The following PHKB variants were observed in gnomAD, a reference collection of about 807,000 sequenced individuals.
The protein encoded by PHKB is phosphorylase kinase regulatory subunit beta, also known as phosphorylase b kinase regulatory subunit beta.
PHKB carries 122 observed loss-of-function variants against 152.1 expected under a neutral mutation model. The observed-to-expected ratio is 0.80, with a 90% confidence interval of 0.69 to 0.93. The LOEUF is 0.93. PHKB is among the 40% of genes least tolerant of loss of function. PHKB has a pLI of 0.00. For missense variants in PHKB, 1,304 were observed against 1,328.4 expected, an observed-to-expected ratio of 0.98 and a Z score of 0.29; for synonymous variants, 436 against 464.9, an observed-to-expected ratio of 0.94 and a Z score of 0.80.
At chr16:47,692,530 C>T (rs1469111407) in intron 27 of PHKB, among the ~76,000 whole-genome samples, 1 of 151,832 alleles carries the variant, frequency 6.6e-6, no homozygotes, top group Non-Finnish European at 1.5e-5. Context: ...GTGGGAGGAT[C>T]GCTTGAGCCC....
intron 16 of PHKB, among the ~76,000 whole-genome samples, chr16:47,647,628 G>T (rs539651543): frequency 1.1e-4 from 17 of 151,642 alleles, no homozygotes; most frequent in African/African-American, 3.6e-4. Context: ...CTCCCTAGTA[G>T]CTGGGACTAC....
At chr16:47,617,599 G>A (rs1259819849) in intron 14 of PHKB, among the ~76,000 whole-genome samples, 1 of 152,100 alleles carries the variant, frequency 6.6e-6, no homozygotes, top group Non-Finnish European at 1.5e-5. Context: ...TAATGTTTGT[G>A]TGTTTCATTA....
chr16:47,619,058 A>AT (rs1456336810), intron 14 of PHKB: 1 of 152,218 alleles, frequency 6.6e-6, no homozygotes, highest in Non-Finnish European at 1.5e-5. Context: ...GGCACTGTAC[A>AT]TGCCACTTCT....
intron 1 of PHKB, among the ~76,000 whole-genome samples, chr16:47,486,097 G>A (rs543928899): frequency 1.1e-4 from 17 of 151,766 alleles, no homozygotes; most frequent in Non-Finnish European, 1.6e-4. Context: ...GTAATTGATC[G>A]TCTTCCAATG....
rs139519773 is a variant in PHKB, at chr16:47,587,742, A to T, written c.849A>T (p.Leu283Phe). Residue 283 changes from leucine to phenylalanine, a missense_variant, in exon 9 of 31, where the codon TTA becomes TTT. Transcript: ENST00000323584. ...NRNRQTLCSLLPRESRSHNTD... is the reference protein window; with the variant it reads ...NRNRQTLCSLFPRESRSHNTD... Reference sequence around the variant, plus strand: ...ACAGGCAAACTTTGTGCTCGCTGTTACCCAGAGAATCAAGATCACATGTGA... The same window carrying T: ...ACAGGCAAACTTTGTGCTCGCTGTTTCCCAGAGAATCAAGATCACATGTGA... 1.2e-6 allele frequency: 2 copies of T among 1,612,154 alleles called. No homozygotes were observed. The highest frequency in any genetic ancestry group is 1.3e-5 in the African/African-American group (1 of 74,882).
intron 7 of PHKB, among the ~76,000 whole-genome samples, chr16:47,554,132 C>A (rs1282064569): frequency 6.6e-6 from 1 of 152,152 alleles, no homozygotes; most frequent in East Asian, 1.9e-4. Context: ...ACAGCTGCCC[C>A]TTCCCTCTGT....
Position 47,566,642 on chromosome 16 carries a change from G to T in PHKB, c.711-13653G>T. On this transcript the variant is annotated intron_variant, in intron 7 of 30. Coordinates refer to ENST00000323584, the MANE Select transcript of PHKB (RefSeq NM_000293.3). ...ACAATTTGGGAAGATGGCTCCAGTCGATATTGGGTTCCCAAGCAGCCCCTG... is the reference window on the plus strand; with the variant it reads ...ACAATTTGGGAAGATGGCTCCAGTCTATATTGGGTTCCCAAGCAGCCCCTG... The T allele has an allele frequency of 5.6e-6, 6 of 1,062,374 alleles. No homozygotes were observed. In the South Asian group the frequency reaches 6.2e-5, roughly 11 times the overall value. 65.8% of individuals were successfully genotyped at this position (1,062,374 alleles called of 1,614,324 possible). A position where few individuals can be genotyped will look rare whatever the true frequency, so the allele number is the denominator to read the frequency against.
chr16:47,673,702 AC>A (rs1973676162), intron 26 of PHKB, among the ~76,000 whole-genome samples: 1 of 152,140 alleles, frequency 6.6e-6, no homozygotes, highest in African/African-American at 2.4e-5. Flanking sequence ...ACTCTAGTAA[AC>A]CATCCTTCTC....
intron 11 of PHKB, among the ~76,000 whole-genome samples, chr16:47,593,855 T>G (rs1277970501): frequency 1.3e-5 from 2 of 152,198 alleles, no homozygotes; most frequent in Admixed American, 6.5e-5. Context: ...TCATTAATAC[T>G]GTAATCCATG....
chr16:47,678,328 C>A (rs1246534805), intron 26 of PHKB, among the ~76,000 whole-genome samples: 2 of 152,260 alleles, frequency 1.3e-5, no homozygotes, highest in Admixed American at 1.3e-4. Context: ...AGTTCTAGAT[C>A]CCTGAGGAAT....
chr16:47,557,997 A>G (rs1273822139), intron 7 of PHKB, among the ~76,000 whole-genome samples: 5 of 151,812 alleles, frequency 3.3e-5, no homozygotes, highest in South Asian at 2.1e-4. Context: ...ATGTCCAACA[A>G]TGATAGACTG....
At chr16:47,536,981 C>T (rs1218349898) in intron 6 of PHKB, among the ~76,000 whole-genome samples, 2 of 152,154 alleles carry the variant, frequency 1.3e-5, no homozygotes, top group African/African-American at 2.4e-5. Flanking sequence ...CCATCCAGCC[C>T]AATTAGAACC....
intron 7 of PHKB, chr16:47,562,138 G>A (rs941669561): frequency 6.6e-6 from 1 of 152,294 alleles, no homozygotes; most frequent in Non-Finnish European, 1.5e-5. Context: ...CTGTCCCTGT[G>A]GCAGGAGCAT....
intron 7 of PHKB, among the ~76,000 whole-genome samples, chr16:47,572,340 C>T (rs1047993827): frequency 6.6e-6 from 1 of 152,226 alleles, no homozygotes; most frequent in Admixed American, 6.5e-5. Context: ...TTGTTACTTT[C>T]TCTTATGTGC....
chr16:47,551,663 T>A (rs1971272764), intron 7 of PHKB, among the ~76,000 whole-genome samples: 1 of 152,338 alleles, frequency 6.6e-6, no homozygotes, highest in African/African-American at 2.4e-5. Flanking sequence ...ATAAGTGCGA[T>A]GTGGTGCTGA....
intron 7 of PHKB, among the ~76,000 whole-genome samples, chr16:47,559,415 C>G (rs965287345): frequency 6.6e-6 from 1 of 152,254 alleles, no homozygotes; most frequent in African/African-American, 2.4e-5. Flanking sequence ...ATAAAAACAA[C>G]AACAATCTTT....
chr16:47,537,902 C>CTCTT (rs71380327), intron 6 of PHKB, among the ~76,000 whole-genome samples: 12,645 of 148,772 alleles, frequency 0.085, 1,053 homozygotes, highest in African/African-American at 0.22. Flanking sequence ...CTCTCTCTCT[C>CTCTT]TTTTTAAGTT....
chr16:47,566,894 G>A lies in PHKB; in HGVS notation c.711-13401G>A, dbSNP rs201809302. 46 of 666,248 alleles carry A rather than the reference G, an allele frequency of 6.9e-5. No individual in the cohort carries two copies. The East Asian group carries it at 1.1e-3, about 17-fold the overall frequency. The allele number at this position is 666,248 out of a possible 1,614,324, so 41.3% of individuals were successfully genotyped here. A position where few individuals can be genotyped will look rare whatever the true frequency, so the allele number is the denominator to read the frequency against. On this transcript the variant is annotated intron_variant, in intron 7 of 30. Transcript: ENST00000323584. Reference sequence around the variant, plus strand: ...TATTCTTCTTTTTTGCTTAGTTCTTGAAGGTCAATAATGGGTCACACTGGA... The same window carrying A: ...TATTCTTCTTTTTTGCTTAGTTCTTAAAGGTCAATAATGGGTCACACTGGA...
intron 14 of PHKB, among the ~76,000 whole-genome samples, chr16:47,616,797 C>G (rs1309442539): frequency 6.6e-6 from 1 of 151,734 alleles, no homozygotes. Context: ...AATCAGGGAT[C>G]TCACTGCCTT....
Sources: allele counts gnomAD v4.1 joint callset (sites outside exome capture counted in the v4.1 genomes callset), GRCh38; gene constraint gnomAD v4.1.1; transcripts MANE v1.5; gene names NCBI Gene and HGNC (gene_info 2026-07-23, HGNC 2026-07-21).